The following ATR variants were observed in gnomAD, a reference collection of about 807,000 sequenced individuals.
ATR encodes the protein ATR checkpoint kinase.
A neutral mutation model predicts 305.3 loss-of-function variants in ATR; 142 were observed. The ratio of observed to expected loss-of-function variants is 0.47; its 90% confidence interval spans 0.41 to 0.53. The LOEUF is 0.53. ATR is among the 20% of genes least tolerant of loss of function. The probability of loss-of-function intolerance (pLI) is 0.00; values close to 1 mark genes in which losing one functional copy is unlikely to be tolerated. For synonymous variants in ATR, 1,050 were observed against 1,068.1 expected, an observed-to-expected ratio of 0.98 and a Z score of 0.33; for missense variants, 2,135 against 3,133.1, an observed-to-expected ratio of 0.68 and a Z score of 7.60.
At chr3:142,483,370 G>A (rs2030667567) in intron 36 of ATR, among the ~76,000 whole-genome samples, 1 of 151,640 alleles carries the variant, frequency 6.6e-6, no homozygotes, top group Admixed American at 6.6e-5. Flanking sequence ...GTAGGCCTGA[G>A]ATTATACTTG....
rs145853128 is a variant in ATR, at chr3:142,542,682, T to C, written c.3433A>G (p.Ile1145Val). Residue 1145 changes from isoleucine (I) to valine (V), a missense_variant, in exon 17 of 47, where the codon ATT becomes GTT. Coordinates refer to ENST00000350721, the MANE Select transcript of ATR (RefSeq NM_001184.4). ...NMQLLSSSVG[I>V]EDKKMALNSL... is the part of the protein sequence containing the mutation. ...CCACTTACCATTTTCTTATCTTCAATGCCAACACTAGAGCTCAGTAACTGC... is the reference window on the plus strand; with the variant it reads ...CCACTTACCATTTTCTTATCTTCAACGCCAACACTAGAGCTCAGTAACTGC... The C allele has an allele frequency of 1.3e-4, 204 of 1,613,072 alleles. No individual in the cohort carries two copies. In the African/African-American group the frequency reaches 2.5e-3, roughly 20 times the overall value.
Position 142,466,522 on chromosome 3 carries a change from A to G in ATR, c.6699T>C (p.Ser2233=), listed in dbSNP as rs2108273802. 2 of 1,613,256 alleles carry G rather than the reference A, an allele frequency of 1.2e-6. No homozygotes were observed. Among genetic ancestry groups the G allele is most frequent in the East Asian group, 4.5e-5 (2 of 44,838 alleles). The change falls in exon 40 of 47, where the codon AGT becomes AGC. Residue 2233 remains serine, a synonymous_variant. Coordinates refer to ENST00000350721, the MANE Select transcript of ATR (RefSeq NM_001184.4). The part of the protein sequence containing the change: ...LELCNKPVDG[S]SSTLSMSTHF... ...GAGTGCTCATGCTTAATGTGGAACTACTTCCATCAACCTGAAAAAATAAAT... is the reference window on the plus strand; with the variant it reads ...GAGTGCTCATGCTTAATGTGGAACTGCTTCCATCAACCTGAAAAAATAAAT...
intron 4 of ATR, 89 bp downstream of exon 4, chr3:142,562,143 A>G: frequency 1.5e-6 from 2 of 1,347,058 alleles, no homozygotes; most frequent in Non-Finnish European, 1.0e-6. Flanking sequence ...AAGATATTCT[A>G]TTTTCTTATT....
In ATR at chr3:142,578,643, T is replaced by A. The variant is rs1257331265; in HGVS notation, c.59+3A>T. 6.2e-7 allele frequency: 1 copy of A among 1,612,128 alleles called. No homozygotes were observed. Among genetic ancestry groups the A allele is most frequent in the East Asian group, 2.2e-5 (1 of 44,854 alleles). ...GCAGGACCCAGGCTGGGCCTAGCCC[T>A]ACCTGCCCAGCTCCCGCAGGGCGGG... On this transcript the variant is annotated splice_donor_region_variant and intron_variant, in intron 1 of 46. Transcript: ENST00000350721.
In ATR at chr3:142,496,290, A is replaced by ACATATATATATATATG. The variant is rs2031609340; in HGVS notation, c.5898+70_5898+71insCATATATATATATATG. 5 of 29,912 alleles carry ACATATATATATATATG rather than the reference A, an allele frequency of 1.7e-4. 1 individual carries two copies. Among genetic ancestry groups the ACATATATATATATATG allele is most frequent in the African/African-American group, 1.2e-3 (5 of 4,020 alleles). 1.9% of individuals were successfully genotyped at this position (29,912 alleles called of 1,614,324 possible). A position where few individuals can be genotyped will look rare whatever the true frequency, so the allele number is the denominator to read the frequency against. On this transcript the variant is annotated intron_variant, in intron 34 of 46. Transcript: ENST00000350721. ...ACATAATTCCCGACTATATATATAT[A>ACATATATATATATATG]TATATATATATATATATATATATAT...
In ATR at chr3:142,470,079, G is replaced by A; in HGVS notation, c.6319+7C>T. ...GTCCTTTAAAACTTTTACGTGAAGA[G>A]TTATACCTTTTTCCCATTCATATGC... On this transcript the variant is annotated splice_region_variant and intron_variant, in intron 37 of 46. Coordinates refer to ENST00000350721, the MANE Select transcript of ATR (RefSeq NM_001184.4). 2 of 1,591,602 alleles carry A rather than the reference G, an allele frequency of 1.3e-6. No individual in the cohort carries two copies. Among genetic ancestry groups the A allele is most frequent in the East Asian group, 2.2e-5 (1 of 44,656 alleles).
chr3:142,498,506 C>T (rs1269202608), intron 32 of ATR, 91 bp downstream of exon 32: 1 of 1,250,846 alleles, frequency 8.0e-7, no homozygotes, highest in Admixed American at 2.0e-5. Flanking sequence ...TGAAACCAAA[C>T]TCACTATCAA....
Position 142,560,440 on chromosome 3 carries a change from T to TCCACATAAA in ATR, c.1363_1364insTTTATGTGG (p.Val454_Asp455insValTyrVal). 5.6e-6 allele frequency: 9 copies of TCCACATAAA among 1,610,066 alleles called. No individual in the cohort carries two copies. Among genetic ancestry groups the TCCACATAAA allele is most frequent in the Non-Finnish European group, 7.7e-6 (9 of 1,176,426 alleles). On this transcript the variant is annotated inframe_insertion, in exon 6 of 47. Coordinates refer to ENST00000350721, the MANE Select transcript of ATR (RefSeq NM_001184.4). ...CCATAATATGCTCTTTTGGTTCATGTCCACATGTTTAATTCTATAATTATG... is the reference window on the plus strand; with the variant it reads ...CCATAATATGCTCTTTTGGTTCATGTCCACATAAACCACATGTTTAATTCTATAATTATG...
chr3:142,568,097 T>C lies in ATR; in HGVS notation c.117A>G (p.Gln39=), dbSNP rs56297030. The C allele has an allele frequency of 2.9e-4, 467 of 1,612,514 alleles. 9 individuals carry two copies. The East Asian group carries it at 8.7e-3, about 30-fold the overall frequency. ...VVQKPRQILC[Q]FIDRILTDVN... Reference sequence around the variant, plus strand: ...CATCTGTAAGTATCCGGTCAATGAATTGACACAGAATTTGTCTTGGCTTCT... The same window carrying C: ...CATCTGTAAGTATCCGGTCAATGAACTGACACAGAATTTGTCTTGGCTTCT... Residue 39 remains glutamine (Q), a synonymous_variant, in exon 2 of 47, where the codon CAA becomes CAG. Coordinates refer to ENST00000350721, the MANE Select transcript of ATR (RefSeq NM_001184.4).
chr3:142,476,743 ATTTG>A (rs1205479430), intron 36 of ATR, among the ~76,000 whole-genome samples: 1 of 152,160 alleles, frequency 6.6e-6, no homozygotes, highest in Admixed American at 6.5e-5. Context: ...ATGTTCTTCC[ATTTG>A]TTTGTGTCCT....
At chr3:142,539,598 G>A (rs1376621191) in intron 18 of ATR, among the ~76,000 whole-genome samples, 1 of 152,080 alleles carries the variant, frequency 6.6e-6, no homozygotes, top group African/African-American at 2.4e-5. Flanking sequence ...AAATATTCAA[G>A]TATTTATGAA....
rs967163239 is a variant in ATR, at chr3:142,451,618, T to G, written c.7761+1510A>C. 4 of 1,266,302 alleles carry G rather than the reference T, an allele frequency of 3.2e-6. No homozygotes were observed. The African/African-American group carries it at 6.1e-5, about 19-fold the overall frequency. The allele number at this position is 1,266,302 out of a possible 1,614,324, so 78.4% of individuals were successfully genotyped here. A position where few individuals can be genotyped will look rare whatever the true frequency, so the allele number is the denominator to read the frequency against. On this transcript the variant is annotated intron_variant, in intron 46 of 46. Coordinates refer to ENST00000350721, the MANE Select transcript of ATR (RefSeq NM_001184.4). ...TATGATGCCAAGGGTCTCACTCTGT[T>G]GCCCAGGCTGGAGTGCAGTGGTGTC...
chr3:142,576,578 GA>G (rs778299285), intron 1 of ATR, among the ~76,000 whole-genome samples: 8 of 152,124 alleles, frequency 5.3e-5, no homozygotes, highest in Non-Finnish European at 1.0e-4. Context: ...ATGAATAAGA[GA>G]AAAATAATTT....
At chr3:142,476,567 G>A (rs990207118) in intron 36 of ATR, among the ~76,000 whole-genome samples, 1 of 152,088 alleles carries the variant, frequency 6.6e-6, no homozygotes, top group African/African-American at 2.4e-5. Flanking sequence ...GGATTGACTT[G>A]GCAATGCAGG....
At chr3:142,546,929 T>G (rs1019306413) in intron 16 of ATR, among the ~76,000 whole-genome samples, 1 of 152,150 alleles carries the variant, frequency 6.6e-6, no homozygotes, top group Non-Finnish European at 1.5e-5. Flanking sequence ...TTAATGAACT[T>G]ATGTCTAGTA....
intron 24 of ATR, among the ~76,000 whole-genome samples, chr3:142,516,988 T>C (rs572236737): frequency 2.7e-5 from 4 of 147,566 alleles, no homozygotes; most frequent in African/African-American, 5.0e-5. Context: ...CCAAATAATA[T>C]ATATATATAT....
At position 142,547,835 on chromosome 3, in the gene ATR, T is replaced by A. The variant is rs2108451438; in HGVS notation, c.3247A>T (p.Ile1083Phe). ...AAAACCTGTTGATAGTGTTCTCCAATACGCAGCAATAATTCATTATGCAAT... is the reference window on the plus strand; with the variant it reads ...AAAACCTGTTGATAGTGTTCTCCAAAACGCAGCAATAATTCATTATGCAAT... ...QGLHNELLLR[I>F]GEHYQQVFNG... The change falls in exon 16 of 47, where the codon ATT becomes TTT. Residue 1083 changes from isoleucine to phenylalanine, a missense_variant. Ile to Phe is a conservative substitution (Grantham distance 21). Transcript: ENST00000350721. The A allele has an allele frequency of 6.2e-7, 1 of 1,613,970 alleles. No homozygotes were observed. The highest frequency in any genetic ancestry group is 8.5e-7 in the Non-Finnish European group (1 of 1,179,892).
chr3:142,465,447 T>C (rs939362108), intron 40 of ATR: 11 of 337,830 alleles, frequency 3.3e-5, no homozygotes, highest in African/African-American at 2.1e-4. Flanking sequence ...TTTTCACCCA[T>C]TAAAAATAGC....
At chr3:142,542,812 T>G in intron 16 of ATR, 55 bp from the exon 17 acceptor site, 1 of 1,368,462 alleles carries the variant, frequency 7.3e-7, no homozygotes, top group Non-Finnish European at 1.0e-6. Context: ...ATTTCTTAAG[T>G]TGACATTTTA....
Sources: allele counts gnomAD v4.1 joint callset (sites outside exome capture counted in the v4.1 genomes callset), GRCh38; gene constraint gnomAD v4.1.1; transcripts MANE v1.5; gene names NCBI Gene and HGNC (gene_info 2026-07-23, HGNC 2026-07-21).